Variants in ZNF536 observed in about 807,000 individuals in gnomAD.
The protein encoded by ZNF536 is zinc finger protein 536.
Under a neutral mutation model 84.5 loss-of-function variants are expected in ZNF536, and 13 were observed. The ratio of observed to expected loss-of-function variants is 0.15; its 90% CI spans 0.10 to 0.24. The LOEUF is 0.24. Among genes scored for constraint, ZNF536 ranks in the 10% least tolerant of loss-of-function variants. The pLI is 1.00. For missense variants in ZNF536, 1,536 were observed against 1,747.5 expected (o/e 0.88, Z 2.16); for synonymous variants, 811 against 742.5 (o/e 1.09, Z -1.50).
intron 1 of ZNF536, among the ~76,000 whole-genome samples, chr19:30,268,972 A>G (rs1231998123): frequency 1.3e-5 from 2 of 152,236 alleles, no homozygotes; most frequent in Non-Finnish European, 2.9e-5. Flanking sequence ...GCATATAATT[A>G]TGGTCCTGAT....
intron 2 of ZNF536, among the ~76,000 whole-genome samples, chr19:30,302,981 A>G (rs912375285): frequency 6.6e-6 from 1 of 152,214 alleles, no homozygotes; most frequent in African/African-American, 2.4e-5. Flanking sequence ...TTGTTTTTAC[A>G]TAATTTTTCC....
chr19:30,304,306 C>T (rs748982658), intron 2 of ZNF536, among the ~76,000 whole-genome samples: 6 of 152,208 alleles, frequency 3.9e-5, no homozygotes, highest in South Asian at 2.1e-4. Flanking sequence ...CAATGGAGCT[C>T]GAACCATTGG....
chr19:30,628,830 C>T (rs1333853184), intron 1 of ZNF536, among the ~76,000 whole-genome samples: 1 of 151,890 alleles, frequency 6.6e-6, no homozygotes, highest in Non-Finnish European at 1.5e-5. Flanking sequence ...TCAGCCTCCG[C>T]AGTAGCTGGG....
intron 1 of ZNF536, among the ~76,000 whole-genome samples, chr19:30,410,268 A>T (rs140138759): frequency 1.5e-4 from 23 of 152,168 alleles, no homozygotes; most frequent in African/African-American, 5.3e-4. Flanking sequence ...TTTGATGTAT[A>T]TCCTTAGGGT....
At chr19:30,706,089 T>C (rs1367755875) in intron 1 of ZNF536, among the ~76,000 whole-genome samples, 1 of 152,228 alleles carries the variant, frequency 6.6e-6, no homozygotes, top group Non-Finnish European at 1.5e-5. Context: ...AGAGGCACGT[T>C]GCATCACTCC....
exon 2 of ZNF536, chr19:30,711,165 A>G (rs1412907695): frequency 6.6e-6 from 1 of 151,970 alleles, no homozygotes; most frequent in Non-Finnish European, 1.5e-5. Context: ...ATATATTAAA[A>G]AAAAAAAATT....
intron 1 of ZNF536, among the ~76,000 whole-genome samples, chr19:30,656,164 TG>T (rs1381942448): frequency 1.1e-4 from 17 of 152,334 alleles, no homozygotes; most frequent in African/African-American, 4.1e-4. Context: ...ACCTTCTCCT[TG>T]GTTCCTCTCC....
intron 1 of ZNF536, among the ~76,000 whole-genome samples, chr19:30,398,877 A>T (rs182954338): frequency 6.6e-6 from 1 of 152,326 alleles, no homozygotes; most frequent in Admixed American, 6.5e-5. Context: ...CAATAAACAT[A>T]TGTGTGCATG....
intron 2 of ZNF536, among the ~76,000 whole-genome samples, chr19:30,352,149 A>G (rs746361079): frequency 1.3e-5 from 2 of 152,188 alleles, no homozygotes; most frequent in Non-Finnish European, 2.9e-5. Context: ...GATCTGATGA[A>G]AATGAAAGAT....
chr19:30,297,869 T>C (rs2046050403), intron 2 of ZNF536, among the ~76,000 whole-genome samples: 1 of 148,776 alleles, frequency 6.7e-6, no homozygotes, highest in Non-Finnish European at 1.5e-5. Flanking sequence ...CCCCACAAAC[T>C]TCATGCCTTT....
chr19:30,581,674 AC>A (rs2046925662), intron 1 of ZNF536, among the ~76,000 whole-genome samples: 1 of 151,482 alleles, frequency 6.6e-6, no homozygotes, highest in Non-Finnish European at 1.5e-5. Flanking sequence ...GCAATGGCTC[AC>A]CCCTGTAATC....
intron 1 of ZNF536, among the ~76,000 whole-genome samples, chr19:30,643,539 G>T (rs1217867356): frequency 6.6e-6 from 1 of 152,136 alleles, no homozygotes; most frequent in Non-Finnish European, 1.5e-5. Context: ...ACTGACAGAT[G>T]ATTCTCAATG....
intron 2 of ZNF536, among the ~76,000 whole-genome samples, chr19:30,339,183 G>A (rs1262080829): frequency 6.6e-6 from 1 of 152,196 alleles, no homozygotes; most frequent in African/African-American, 2.4e-5. Context: ...AAAAAGGGGA[G>A]AGCGTCCCAG....
chr19:30,365,735 T>G (rs2146945953), intron 3 of ZNF536, among the ~76,000 whole-genome samples: 1 of 152,278 alleles, frequency 6.6e-6, no homozygotes, highest in East Asian at 1.9e-4. Context: ...TTCCCACACC[T>G]AATTTTGGAG....
At chr19:30,504,330 C>T (rs905757164) in intron 2 of ZNF536, among the ~76,000 whole-genome samples, 3 of 147,544 alleles carry the variant, frequency 2.0e-5, no homozygotes, top group African/African-American at 7.6e-5. Context: ...GCCTCCTTCC[C>T]TATTTTCCTT....
intron 1 of ZNF536, among the ~76,000 whole-genome samples, chr19:30,569,797 C>T (rs1039177548): frequency 1.3e-5 from 2 of 151,842 alleles, no homozygotes; most frequent in Admixed American, 6.6e-5. Flanking sequence ...GTCTCCAATG[C>T]CTGGCCTCAA....
At chr19:30,226,284 T>C (rs529185382), upstream of ZNF536, among the ~76,000 whole-genome samples, 4 of 152,196 alleles carry the variant, frequency 2.6e-5, no homozygotes, top group African/African-American at 9.6e-5. This position sits in a 1 kb window ranked among gnomAD's most constrained non-coding sequence, Gnocchi z 4.6. Flanking sequence ...TCAAGTGACT[T>C]TCCCCATTTT....
chr19:30,576,829 G>A (rs1233666297), intron 1 of ZNF536, among the ~76,000 whole-genome samples: 1 of 152,244 alleles, frequency 6.6e-6, no homozygotes, highest in African/African-American at 2.4e-5. Flanking sequence ...GGAACAGTCA[G>A]ACAAGAGGAT....
chr19:30,542,744 G>T (rs1177767659), intron 3 of ZNF536, among the ~76,000 whole-genome samples: 3 of 152,202 alleles, frequency 2.0e-5, no homozygotes, highest in Non-Finnish European at 4.4e-5. Context: ...TTCAGTGTTT[G>T]AAAAGTTTTG....
Sources: allele counts gnomAD v4.1 joint callset (sites outside exome capture counted in the v4.1 genomes callset), GRCh38; gene constraint gnomAD v4.1.1; non-coding constraint Gnocchi (gnomAD v3.1); transcripts MANE v1.5; gene names NCBI Gene and HGNC (gene_info 2026-07-23, HGNC 2026-07-21).